Variants in CSNK1G2 observed in about 807,000 individuals in gnomAD.
The protein encoded by CSNK1G2 is casein kinase 1 gamma 2.
Under a neutral mutation model 48.0 loss-of-function variants are expected in CSNK1G2, and 11 were observed. The ratio of observed to expected loss-of-function variants is 0.23; its 90% confidence interval spans 0.14 to 0.38. The LOEUF (loss-of-function observed/expected upper bound fraction) is 0.38, where lower values mean the gene tolerates loss of function less well. Among genes scored for constraint, CSNK1G2 ranks in the 10% least tolerant of loss-of-function variants. The probability of loss-of-function intolerance (pLI) is 1.00; values close to 1 mark genes in which losing one functional copy is unlikely to be tolerated. For synonymous variants in CSNK1G2, 337 were observed against 254.1 expected, an observed-to-expected ratio of 1.33 and a Z score of -3.10; for missense variants, 446 against 595.5, an observed-to-expected ratio of 0.75 and a Z score of 2.61.
intron 2 of CSNK1G2, chr19:1,975,363 G>A (rs1021344932): frequency 3.7e-5 from 36 of 985,374 alleles, no homozygotes; most frequent in Middle Eastern, 5.2e-4. Flanking sequence ...TGGTCAGCAC[G>A]TGACTGACAC....
intron 1 of CSNK1G2, among the ~76,000 whole-genome samples, chr19:1,963,477 G>A (rs904663814): frequency 5.3e-5 from 8 of 152,044 alleles, no homozygotes; most frequent in Non-Finnish European, 8.8e-5. Context: ...CTCCCAAAGT[G>A]CTGAGATTAC....
intron 1 of CSNK1G2, among the ~76,000 whole-genome samples, chr19:1,946,072 G>T (rs1362847027): frequency 5.9e-5 from 9 of 152,148 alleles, no homozygotes; most frequent in Non-Finnish European, 1.0e-4. Flanking sequence ...GTATGTTCCC[G>T]GGAGAGGTGG....
At chr19:1,953,062 C>A (rs1417779022) in intron 1 of CSNK1G2, 13 of 398,530 alleles carry the variant, frequency 3.3e-5, no homozygotes, top group Non-Finnish European at 6.2e-5. Context: ...CCAGGTTTTC[C>A]ACGGCCGTTC....
chr19:1,950,652 G>A (rs1326641042), intron 1 of CSNK1G2, among the ~76,000 whole-genome samples: 1 of 145,766 alleles, frequency 6.9e-6, no homozygotes, highest in Non-Finnish European at 1.5e-5. Context: ...TGGGACGGAC[G>A]GGCCTTCCTG....
At chr19:1,972,389 T>G (rs530006049) in intron 2 of CSNK1G2, among the ~76,000 whole-genome samples, 15 of 147,280 alleles carry the variant, frequency 1.0e-4, no homozygotes, top group Non-Finnish European at 1.9e-4. Flanking sequence ...GGTTGTTGAA[T>G]GTTGTTCCGT....
At chr19:1,952,709 C>T (rs909093800) in intron 1 of CSNK1G2, 10 of 263,236 alleles carry the variant, frequency 3.8e-5, no homozygotes, top group Non-Finnish European at 5.4e-5. Flanking sequence ...GCCTAGCAGG[C>T]GTCGCCCGGT....
chr19:1,964,598 T>C (rs2015305512), intron 1 of CSNK1G2, among the ~76,000 whole-genome samples: 2 of 152,178 alleles, frequency 1.3e-5, no homozygotes, highest in African/African-American at 4.8e-5. Context: ...ACGAGAATTA[T>C]GCTAAATCTA....
intron 1 of CSNK1G2, among the ~76,000 whole-genome samples, chr19:1,956,545 G>C (rs79526197): frequency 2.6e-5 from 4 of 152,170 alleles, no homozygotes; most frequent in Non-Finnish European, 2.9e-5. Flanking sequence ...CATCCTAGCC[G>C]GCAAGGCCAC....
intron 2 of CSNK1G2, chr19:1,975,157 G>C: frequency 5.1e-6 from 5 of 985,492 alleles, no homozygotes; most frequent in Non-Finnish European, 6.0e-6. Context: ...AGATGCATCA[G>C]AGCTTCAAAG....
chr19:1,953,567 G>C (rs750726410), intron 1 of CSNK1G2: 3 of 491,178 alleles, frequency 6.1e-6, no homozygotes, highest in Non-Finnish European at 1.3e-5. Flanking sequence ...CCTCCGCCAA[G>C]GCTGCCGGTG....
rs866969447 is a variant in CSNK1G2, at chr19:1,972,656, C to G, written c.187+2697C>G. Among the ~76,000 whole-genome samples, 4 of 152,190 alleles carry G rather than the reference C, an allele frequency of 2.6e-5. No homozygotes were observed. In the South Asian group the frequency reaches 6.2e-4, roughly 24 times the overall value. On this transcript the variant is annotated intron_variant, in intron 2 of 11. Transcript: ENST00000255641. The stretch of plus-strand genomic sequence containing the variant: ...TTTGTTTTTGAGATGGAGTTTCACT[C>G]TTGTTGCCCAGCCTGGAGTGCAGTG...
chr19:1,963,376 T>C (rs1241926005), intron 1 of CSNK1G2, among the ~76,000 whole-genome samples: 3 of 151,728 alleles, frequency 2.0e-5, no homozygotes, highest in Admixed American at 2.0e-4. Flanking sequence ...CATGCCTGGC[T>C]AATTTTTTTG....
intron 2 of CSNK1G2, among the ~76,000 whole-genome samples, chr19:1,971,436 C>T (rs1038985896): frequency 6.6e-6 from 1 of 152,264 alleles, no homozygotes; most frequent in Non-Finnish European, 1.5e-5. Context: ...GAGCTTTTCC[C>T]AACAGGAGCT....
At chr19:1,952,303 G>A (rs924054469) in intron 1 of CSNK1G2, among the ~76,000 whole-genome samples, 2 of 152,098 alleles carry the variant, frequency 1.3e-5, no homozygotes, top group African/African-American at 4.8e-5. Flanking sequence ...GGCGGAGGGC[G>A]GGATGCTTCC....
At chr19:1,958,198 C>T (rs1011393757) in intron 1 of CSNK1G2, among the ~76,000 whole-genome samples, 1 of 151,770 alleles carries the variant, frequency 6.6e-6, no homozygotes, top group African/African-American at 2.4e-5. Flanking sequence ...CCCACTGCCC[C>T]CACCAAAGCC....
chr19:1,952,186 C>T (rs2014787562), intron 1 of CSNK1G2, among the ~76,000 whole-genome samples: 1 of 152,212 alleles, frequency 6.6e-6, no homozygotes, highest in African/African-American at 2.4e-5. Context: ...CACCTTGGCC[C>T]CTCAGTGGGC....
At chr19:1,967,730 T>TC (rs1401983354) in intron 1 of CSNK1G2, among the ~76,000 whole-genome samples, 1 of 67,676 alleles carries the variant, frequency 1.5e-5, no homozygotes, top group Non-Finnish European at 2.6e-5. Context: ...GTGGGGCTCC[T>TC]CCTTCCTCCC....
intron 1 of CSNK1G2, among the ~76,000 whole-genome samples, chr19:1,951,324 A>C (rs571994108): frequency 6.9e-6 from 1 of 143,978 alleles, no homozygotes; most frequent in Admixed American, 7.0e-5. Flanking sequence ...AATGGCGTGA[A>C]CCCGGGAGGC....
At position 1,969,935 on chromosome 19, in the gene CSNK1G2, G is replaced by A. The variant is rs1308395178; in HGVS notation, c.163G>A (p.Gly55Ser). The A allele has an allele frequency of 2.3e-6, 3 of 1,310,320 alleles. No individual in the cohort carries two copies. Among genetic ancestry groups the A allele is most frequent in the Non-Finnish European group, 2.9e-6 (3 of 1,022,070 alleles). The allele number at this position is 1,310,320 out of a possible 1,614,324, so 81.2% of individuals were successfully genotyped here. A position where few individuals can be genotyped will look rare whatever the true frequency, so the allele number is the denominator to read the frequency against. The change falls in exon 2 of 12, where the codon GGC (glycine) becomes AGC (serine). Residue 55 changes from glycine to serine, a missense_variant. This residue lies in a region of CSNK1G2 where 258 missense variants were observed against 415.9 expected (regional missense o/e 0.62). Transcript: ENST00000255641. ...CCGCGTCGGCAAGAAGATCGGCTGC[G>A]GCAACTTCGGGGAGCTCCGCCTAGG... ...NFRVGKKIGC[G>S]NFGELRLGKN...
Sources: allele counts gnomAD v4.1 joint callset (sites outside exome capture counted in the v4.1 genomes callset), GRCh38; gene constraint gnomAD v4.1.1; regional missense constraint gnomAD v4.1.1; transcripts MANE v1.5; gene names NCBI Gene and HGNC (gene_info 2026-07-23, HGNC 2026-07-21).